TUSC3: variants seen among roughly 807,000 people sequenced by gnomAD.
The protein encoded by TUSC3 is dolichyl-diphosphooligosaccharide--protein glycosyltransferase subunit TUSC3.
In TUSC3, 45 loss-of-function variants were observed where a neutral mutation model predicts 44.8. The observed-to-expected ratio is 1.00, with a 90% CI of 0.79 to 1.29. The LOEUF (loss-of-function observed/expected upper bound fraction) is 1.29, where lower values mean the gene tolerates loss of function less well. Ranked by LOEUF, TUSC3 falls within the 50% of genes most tolerant of loss-of-function variation. The probability of loss-of-function intolerance (pLI) is 0.00; values close to 1 mark genes in which losing one functional copy is unlikely to be tolerated. For synonymous variants in TUSC3, 212 were observed against 152.9 expected (o/e 1.39, Z -2.85); for missense variants, 519 against 437.9 (o/e 1.19, Z -1.65).
intron 1 of TUSC3, among the ~76,000 whole-genome samples, chr8:15,466,011 T>G (rs17121488): frequency 0.019 from 2,961 of 152,272 alleles, 98 homozygotes; most frequent in African/African-American, 0.067. Context: ...AATTCAACAT[T>G]TTTGTCTGAG....
intron 4 of TUSC3, among the ~76,000 whole-genome samples, chr8:15,661,188 A>C (rs1807407469): frequency 6.6e-6 from 1 of 152,014 alleles, no homozygotes; most frequent in African/African-American, 2.4e-5. Flanking sequence ...TCAACTTCAT[A>C]GGTTTACATT....
chr8:15,480,353 T>C (rs558691029), intron 1 of TUSC3, among the ~76,000 whole-genome samples: 1 of 152,320 alleles, frequency 6.6e-6, no homozygotes, highest in East Asian at 1.9e-4. Context: ...CATGGAACCA[T>C]AAACATTTTC....
At chr8:15,427,761 G>C (rs1243522987) in intron 1 of TUSC3, among the ~76,000 whole-genome samples, 1 of 152,100 alleles carries the variant, frequency 6.6e-6, no homozygotes, top group Non-Finnish European at 1.5e-5. Context: ...ACTGCTAACA[G>C]CCACACTTGT....
intron 6 of TUSC3, among the ~76,000 whole-genome samples, chr8:15,703,378 T>G (rs891766791): frequency 6.6e-6 from 1 of 152,140 alleles, no homozygotes. Context: ...TCTTCAAATT[T>G]AATGTACTTT....
chr8:15,547,722 A>G (rs377020886), intron 1 of TUSC3, among the ~76,000 whole-genome samples: 6 of 151,442 alleles, frequency 4.0e-5, no homozygotes, highest in African/African-American at 1.4e-4. Context: ...CATGAATTAG[A>G]TTAGTGCCCT....
chr8:15,570,954 G>GTGTTTTTTTTTTTTTTTTTTTTTTTT (rs1802850304), intron 1 of TUSC3, among the ~76,000 whole-genome samples: 1 of 44,494 alleles, frequency 2.2e-5, no homozygotes, highest in Non-Finnish European at 5.2e-5. Context: ...TTGCCTATTA[G>GTGTTTTTTTTTTTTTTTTTTTTTTTT]TTTTTTTTTT....
At chr8:15,826,881 C>A in the TUSC3 span, among the ~76,000 whole-genome samples, 1 of 152,124 alleles carries the variant, frequency 6.6e-6, no homozygotes. Flanking sequence ...CCAGCCTTAC[C>A]TGATTGGAGC....
chr8:15,613,795 C>T (rs1309822768), intron 1 of TUSC3, among the ~76,000 whole-genome samples: 1 of 152,088 alleles, frequency 6.6e-6, no homozygotes, highest in Non-Finnish European at 1.5e-5. Flanking sequence ...TTTAACATTC[C>T]CTTTAAGCAT....
chr8:15,645,627 A>C (rs535625470), intron 2 of TUSC3, among the ~76,000 whole-genome samples: 1 of 152,238 alleles, frequency 6.6e-6, no homozygotes, highest in Admixed American at 6.5e-5. Flanking sequence ...GTACATATGA[A>C]AATGTTGAGT....
At chr8:15,785,700 G>C in the TUSC3 span, among the ~76,000 whole-genome samples, 1 of 152,030 alleles carries the variant, frequency 6.6e-6, no homozygotes, top group African/African-American at 2.4e-5. Flanking sequence ...TGGACAATAA[G>C]GTTATTAATG....
chr8:15,467,448 T>C (rs1800428633), intron 1 of TUSC3, among the ~76,000 whole-genome samples: 1 of 152,158 alleles, frequency 6.6e-6, no homozygotes, highest in Admixed American at 6.6e-5. Context: ...ACATACTGCC[T>C]TAGAGTATAA....
At chr8:15,449,766 A>G (rs1011652466) in intron 1 of TUSC3, among the ~76,000 whole-genome samples, 1 of 152,232 alleles carries the variant, frequency 6.6e-6, no homozygotes, top group Non-Finnish European at 1.5e-5. Flanking sequence ...TGACTTAGGC[A>G]GAGCAGCTTT....
chr8:15,598,150 A>T (rs1804144905), intron 1 of TUSC3, among the ~76,000 whole-genome samples: 1 of 151,950 alleles, frequency 6.6e-6, no homozygotes, highest in Admixed American at 6.6e-5. Flanking sequence ...TTGGGGTTTT[A>T]TGTGATCTTT....
At chr8:15,700,285 CCT>C (rs1809340672) in intron 6 of TUSC3, among the ~76,000 whole-genome samples, 2 of 152,062 alleles carry the variant, frequency 1.3e-5, no homozygotes, top group Admixed American at 1.3e-4. Flanking sequence ...TATGCTTTTC[CCT>C]CTGTGTAGCT....
the TUSC3 span, among the ~76,000 whole-genome samples, chr8:15,814,623 C>A: frequency 6.6e-6 from 1 of 152,152 alleles, no homozygotes. Flanking sequence ...TATGTTCACA[C>A]ACAAATACCC....
chr8:15,446,170 G>A (rs1432488385), intron 1 of TUSC3, among the ~76,000 whole-genome samples: 1 of 151,076 alleles, frequency 6.6e-6, no homozygotes, highest in Non-Finnish European at 1.5e-5. Context: ...TCCCAGACGG[G>A]GCATCGGGGC....
intron 1 of TUSC3, among the ~76,000 whole-genome samples, chr8:15,621,297 TTTCTG>T (rs1284432285): frequency 6.6e-6 from 1 of 151,566 alleles, no homozygotes; most frequent in African/African-American, 2.4e-5. Context: ...ATATAACAGT[TTTCTG>T]TAAGGCAAAA....
chr8:15,454,963 A>G (rs554851340), intron 1 of TUSC3, among the ~76,000 whole-genome samples: 3 of 152,272 alleles, frequency 2.0e-5, no homozygotes, highest in Middle Eastern at 3.4e-3. Context: ...TCCAAAATGA[A>G]TTCTAGAGGA....
At chr8:15,668,676 C>A (rs1386400380) in intron 5 of TUSC3, among the ~76,000 whole-genome samples, 5 of 151,854 alleles carry the variant, frequency 3.3e-5, no homozygotes, top group Non-Finnish European at 5.9e-5. Context: ...AAACAAAATA[C>A]TTCCAAAAGG....
Sources: allele counts gnomAD v4.1 joint callset (sites outside exome capture counted in the v4.1 genomes callset), GRCh38; gene constraint gnomAD v4.1.1; transcripts MANE v1.5; gene names NCBI Gene and HGNC (gene_info 2026-07-23, HGNC 2026-07-21).